Variants in CNTN4 observed in about 807,000 individuals in gnomAD.
The protein encoded by CNTN4 is contactin 4, also known as contactin-4.
CNTN4 carries 77 observed loss-of-function variants against 122.5 expected under a neutral mutation model. The ratio of observed to expected loss-of-function variants is 0.63; its 90% CI spans 0.52 to 0.76. The LOEUF (loss-of-function observed/expected upper bound fraction) is 0.76, where lower values mean the gene tolerates loss of function less well. Among genes scored for constraint, CNTN4 ranks in the 30% least tolerant of loss-of-function variants. The pLI is 0.00. For missense variants in CNTN4, 1,256 were observed against 1,259.1 expected (o/e 1.00, Z 0.04); for synonymous variants, 512 against 447.0 (o/e 1.15, Z -1.83).
chr3:2,652,110 T>G (rs772731610), intron 4 of CNTN4, among the ~76,000 whole-genome samples: 3 of 151,690 alleles, frequency 2.0e-5, no homozygotes, highest in Non-Finnish European at 4.4e-5. Flanking sequence ...CCTACCAACA[T>G]TTTTCGATTG....
chr3:2,315,556 C>G (rs760638435), intron 2 of CNTN4, among the ~76,000 whole-genome samples: 1 of 151,342 alleles, frequency 6.6e-6, no homozygotes, highest in Non-Finnish European at 1.5e-5. Context: ...TATTTTTTTC[C>G]TCAGAAATAA....
intron 2 of CNTN4, among the ~76,000 whole-genome samples, chr3:2,153,292 A>G (rs2125414754): frequency 6.6e-6 from 1 of 152,318 alleles, no homozygotes. Flanking sequence ...TGACTACATC[A>G]TTACAATGTC....
intron 10 of CNTN4, among the ~76,000 whole-genome samples, chr3:2,891,027 G>A (rs2094033618): frequency 6.6e-6 from 1 of 152,162 alleles, no homozygotes; most frequent in South Asian, 2.1e-4. Flanking sequence ...CCATGTGGGA[G>A]ACATTATCAG....
At chr3:2,643,313 A>G (rs1331099816) in intron 4 of CNTN4, among the ~76,000 whole-genome samples, 1 of 152,000 alleles carries the variant, frequency 6.6e-6, no homozygotes, top group East Asian at 1.9e-4. Context: ...GGCTGCAACT[A>G]CAGGTCCCCA....
intron 3 of CNTN4, among the ~76,000 whole-genome samples, chr3:2,412,892 A>T (rs1257658332): frequency 6.6e-6 from 1 of 152,208 alleles, no homozygotes; most frequent in Non-Finnish European, 1.5e-5. Context: ...TGCTTTTTAA[A>T]AAATAAAAAA....
intron 4 of CNTN4, among the ~76,000 whole-genome samples, chr3:2,615,469 A>T (rs2149866105): frequency 6.6e-6 from 1 of 152,280 alleles, no homozygotes; most frequent in East Asian, 1.9e-4. Context: ...AGGTAAAGGG[A>T]ATTCAGTGTC....
intron 7 of CNTN4, among the ~76,000 whole-genome samples, chr3:2,842,077 G>A (rs995688412): frequency 3.9e-5 from 6 of 152,076 alleles, no homozygotes; most frequent in Non-Finnish European, 5.9e-5. Flanking sequence ...GAGCATTGTT[G>A]AAGCCATTTT....
chr3:3,027,271 C>T (rs1316191010), intron 15 of CNTN4, among the ~76,000 whole-genome samples: 1 of 152,094 alleles, frequency 6.6e-6, no homozygotes, highest in Non-Finnish European at 1.5e-5. Context: ...CAGTTCTATG[C>T]CAAGAGTGGT....
chr3:2,526,467 G>A (rs921209638), intron 3 of CNTN4, among the ~76,000 whole-genome samples: 1 of 152,032 alleles, frequency 6.6e-6, no homozygotes, highest in African/African-American at 2.4e-5. Flanking sequence ...TGTCAAAGTT[G>A]AAGTTTATGA....
chr3:2,789,502 A>T (rs2091941705), intron 6 of CNTN4, among the ~76,000 whole-genome samples: 1 of 152,126 alleles, frequency 6.6e-6, no homozygotes, highest in African/African-American at 2.4e-5. Context: ...GCGTGATATC[A>T]GCTCACTGCA....
intron 3 of CNTN4, among the ~76,000 whole-genome samples, chr3:2,542,489 A>T (rs144923044): frequency 6.6e-6 from 1 of 152,114 alleles, no homozygotes; most frequent in African/African-American, 2.4e-5. Flanking sequence ...AATAATCTCC[A>T]AGACACAGGA....
chr3:2,795,456 T>C (rs2092141512), intron 6 of CNTN4, among the ~76,000 whole-genome samples: 1 of 152,160 alleles, frequency 6.6e-6, no homozygotes, highest in Admixed American at 6.5e-5. Context: ...ATCTATTCTG[T>C]TAAATGGTGA....
intron 2 of CNTN4, among the ~76,000 whole-genome samples, chr3:2,166,940 A>G (rs1176697298): frequency 6.6e-6 from 1 of 152,236 alleles, no homozygotes; most frequent in African/African-American, 2.4e-5. Context: ...TTTGGAAGAA[A>G]GAAACGAGAA....
At chr3:2,275,728 T>A (rs2041479270) in intron 2 of CNTN4, among the ~76,000 whole-genome samples, 1 of 151,996 alleles carries the variant, frequency 6.6e-6, no homozygotes, top group Non-Finnish European at 1.5e-5. Flanking sequence ...GAGACCAGCC[T>A]GGCCAACATG....
At chr3:2,625,141 C>A (rs1475055333) in intron 4 of CNTN4, among the ~76,000 whole-genome samples, 2 of 152,096 alleles carry the variant, frequency 1.3e-5, no homozygotes, top group Non-Finnish European at 2.9e-5. Context: ...GTATTGTTTT[C>A]AGTACATACT....
At chr3:2,834,190 T>C (rs2093165377) in intron 7 of CNTN4, among the ~76,000 whole-genome samples, 1 of 151,934 alleles carries the variant, frequency 6.6e-6, no homozygotes, top group Non-Finnish European at 1.5e-5. Context: ...ATCACAATTT[T>C]TGTTAAAAAA....
intron 3 of CNTN4, among the ~76,000 whole-genome samples, chr3:2,526,170 G>GC (rs1250933312): frequency 2.0e-5 from 3 of 152,022 alleles, no homozygotes; most frequent in African/African-American, 7.2e-5. Flanking sequence ...CAGCTCCCAG[G>GC]CCCTTCATGC....
intron 12 of CNTN4, among the ~76,000 whole-genome samples, chr3:2,919,091 C>T (rs554054461): frequency 6.6e-6 from 1 of 152,090 alleles, no homozygotes; most frequent in East Asian, 1.9e-4. Context: ...CGCCTATAAT[C>T]CCAGCACTTT....
At chr3:3,035,801 TCCATCA>T (rs1355898594) in intron 17 of CNTN4, among the ~76,000 whole-genome samples, 7 of 152,148 alleles carry the variant, frequency 4.6e-5, no homozygotes, top group Non-Finnish European at 1.0e-4. Context: ...CAAGCAATTC[TCCATCA>T]GCCTCCCAAA....
Sources: gnomAD v4.1 joint callset for allele counts (sites outside exome capture counted in the v4.1 genomes callset) on GRCh38, gnomAD v4.1.1 for gene constraint, MANE v1.5 for transcripts, NCBI Gene and HGNC (gene_info 2026-07-23, HGNC 2026-07-21) for gene names.